SHOC1: variants seen among roughly 807,000 people sequenced by gnomAD.
SHOC1 encodes the protein shortage in chiasmata 1.
In SHOC1, 136 loss-of-function variants were observed where a neutral mutation model predicts 179.2. The observed-to-expected ratio is 0.76, with a 90% CI of 0.66 to 0.87. SHOC1 has a LOEUF of 0.87. Among genes scored for constraint, SHOC1 ranks in the 40% least tolerant of loss-of-function variants. The probability of loss-of-function intolerance (pLI) is 0.00; values close to 1 mark genes in which losing one functional copy is unlikely to be tolerated. For missense variants in SHOC1, 1,538 were observed against 1,700.8 expected (o/e 0.90, Z 1.68); for synonymous variants, 489 against 586.6 (o/e 0.83, Z 2.41).
intron 3 of SHOC1, 107 bp downstream of exon 3, chr9:111,785,805 G>T: frequency 1.1e-6 from 1 of 895,274 alleles, no homozygotes; most frequent in African/African-American, 1.7e-5. Flanking sequence ...ATGAGTAGAT[G>T]CAATGAGTTT....
intron 10 of SHOC1, among the ~76,000 whole-genome samples, chr9:111,741,786 C>T (rs1589431236): frequency 6.6e-6 from 1 of 152,060 alleles, no homozygotes; most frequent in East Asian, 1.9e-4. Flanking sequence ...CGTCTGCCAC[C>T]ATGCCTGACT....
intron 4 of SHOC1, among the ~76,000 whole-genome samples, chr9:111,779,114 A>AAAG (rs1352047949): frequency 5.4e-5 from 7 of 129,804 alleles, no homozygotes; most frequent in Admixed American, 7.6e-5. Flanking sequence ...AAAAAAAAAA[A>AAAG]AGAGAGAGAG....
intron 16 of SHOC1, 64 bp downstream of exon 16, chr9:111,718,120 G>T: frequency 1.7e-6 from 2 of 1,181,116 alleles, no homozygotes; most frequent in Non-Finnish European, 2.4e-6. Context: ...TTTCAGAAAA[G>T]TAAGTTATTT....
intron 5 of SHOC1, among the ~76,000 whole-genome samples, chr9:111,761,261 G>A (rs963101581): frequency 1.2e-4 from 18 of 152,174 alleles, no homozygotes; most frequent in Non-Finnish European, 2.6e-4. Context: ...CAGCACTTTG[G>A]GAGGCTGAAG....
chr9:111,752,683 C>T (rs187499203), intron 8 of SHOC1, among the ~76,000 whole-genome samples: 171 of 152,162 alleles, frequency 1.1e-3, no homozygotes, highest in Non-Finnish European at 9.0e-4. Context: ...ATAGTAATCA[C>T]TATGCTAAAA....
chr9:111,785,861 ACT>A (rs757226036), intron 3 of SHOC1, 49 bp downstream of exon 3: 11 of 1,381,406 alleles, frequency 8.0e-6, no homozygotes, highest in African/African-American at 4.5e-5. Flanking sequence ...GCTGTGCTAA[ACT>A]CTGAAATGGC....
chr9:111,782,550 T>C (rs1836106707), intron 3 of SHOC1, among the ~76,000 whole-genome samples: 1 of 151,998 alleles, frequency 6.6e-6, no homozygotes, highest in South Asian at 2.1e-4. Context: ...TTTCTGTGTA[T>C]GTACACTAAA....
rs1331717607 is a variant in SHOC1 at position 111,778,445 on chromosome 9, TATATA to T, written c.258-2475_258-2471del. ...GCTAAAAGGAAGATAGACAAATAAG[TATATA>T]ATATAATTTCAGGTGGTAAAAAAAT... On this transcript the variant is annotated intron_variant, in intron 4 of 27. Coordinates refer to ENST00000682961, the MANE Select transcript of SHOC1 (RefSeq NM_001378211.1). Among the ~76,000 whole-genome samples, 146 of 152,068 alleles carry T rather than the reference TATATA, an allele frequency of 9.6e-4. 2 individuals are homozygous for T. Among genetic ancestry groups the T allele is most frequent in the Non-Finnish European group, 1.0e-4 (7 of 68,012 alleles).
intron 7 of SHOC1, 110 bp from the exon 8 acceptor site, chr9:111,756,588 A>G: frequency 1.2e-6 from 1 of 859,324 alleles, no homozygotes. Flanking sequence ...TTTAAACTAA[A>G]TCCACATTCA....
chr9:111,701,726 A>G (rs1831978083), intron 23 of SHOC1, among the ~76,000 whole-genome samples: 1 of 152,194 alleles, frequency 6.6e-6, no homozygotes, highest in Non-Finnish European at 1.5e-5. Flanking sequence ...TTGTTAATAG[A>G]AGGAGGAATA....
chr9:111,687,301 C>T (rs1386317587), intron 27 of SHOC1, among the ~76,000 whole-genome samples: 1 of 152,128 alleles, frequency 6.6e-6, no homozygotes, highest in African/African-American at 2.4e-5. Flanking sequence ...TCTTCATCAT[C>T]TACCTAAAAA....
At chr9:111,748,992 C>CCTTT in intron 8 of SHOC1, among the ~76,000 whole-genome samples, 1 of 135,474 alleles carries the variant, frequency 7.4e-6, no homozygotes, top group Non-Finnish European at 1.6e-5. Flanking sequence ...CTCCCTCCCT[C>CCTTT]CCTCCTTTCC....
chr9:111,758,365 G>T (rs111620455), intron 6 of SHOC1, among the ~76,000 whole-genome samples, 170 bp from the exon 7 acceptor site: 57 of 152,342 alleles, frequency 3.7e-4, no homozygotes, highest in African/African-American at 1.3e-3. Flanking sequence ...GGAGGCCGAG[G>T]CGGGTGGATC....
chr9:111,753,633 C>T (rs1834708361), intron 8 of SHOC1, among the ~76,000 whole-genome samples: 1 of 152,014 alleles, frequency 6.6e-6, no homozygotes, highest in Non-Finnish European at 1.5e-5. Context: ...TTTTTTTCCC[C>T]TGAGATGCAA....
intron 16 of SHOC1, among the ~76,000 whole-genome samples, chr9:111,717,969 G>A (rs1455446305): frequency 6.6e-6 from 1 of 152,162 alleles, no homozygotes; most frequent in Admixed American, 6.5e-5. Context: ...TTTTCTAGGT[G>A]ATGACAGTGT....
chr9:111,789,933 A>C (rs775794012), intron 2 of SHOC1, among the ~76,000 whole-genome samples: 20 of 152,186 alleles, frequency 1.3e-4, no homozygotes, highest in Non-Finnish European at 8.8e-5. Context: ...TTTCCTGTAA[A>C]ATGTAGCACA....
chr9:111,752,795 C>G (rs1834656361), intron 8 of SHOC1, among the ~76,000 whole-genome samples: 1 of 152,078 alleles, frequency 6.6e-6, no homozygotes, highest in Non-Finnish European at 1.5e-5. Context: ...AAAACAATAT[C>G]TGAAGTAAAA....
At chr9:111,745,922 TA>T (rs1220633183) in intron 10 of SHOC1, among the ~76,000 whole-genome samples, 2 of 152,158 alleles carry the variant, frequency 1.3e-5, no homozygotes, top group Non-Finnish European at 2.9e-5. Flanking sequence ...ATATTCACAT[TA>T]AAAATACTGA....
Position 111,718,228 on chromosome 9 carries a change from G to C in SHOC1, c.2192C>G (p.Thr731Arg). 1.2e-6 allele frequency: 2 copies of C among 1,600,220 alleles called. No homozygotes were observed. The highest frequency in any genetic ancestry group is 1.7e-6 in the Non-Finnish European group (2 of 1,175,186). ...KHAALLHLLV[T>R]IRDVLLTCSL... is the part of the protein sequence containing the mutation. ...GCATGTTAAAAGGACATCTCTAATT[G>C]TTACCAGAAGATGTAAGAGAGCGGC... The change falls in exon 16 of 28, where the codon ACA (threonine) becomes AGA (arginine). Residue 731 changes from threonine (T) to arginine (R), a missense_variant. Physicochemically the swap from Thr to Arg is moderately conservative, Grantham distance 71. Transcript: ENST00000682961.
Sources: allele counts gnomAD v4.1 joint callset (sites outside exome capture counted in the v4.1 genomes callset), GRCh38; gene constraint gnomAD v4.1.1; transcripts MANE v1.5; gene names NCBI Gene and HGNC (gene_info 2026-07-23, HGNC 2026-07-21).